The following MAML3 variants were observed in gnomAD, a reference collection of about 807,000 sequenced individuals.
MAML3 encodes mastermind like transcriptional coactivator 3, also known as mastermind-like protein 3.
A neutral mutation model predicts 101.9 loss-of-function variants in MAML3; 27 were observed. The observed-to-expected ratio is 0.27, with a 90% confidence interval of 0.20 to 0.37. MAML3 has a LOEUF of 0.37. Among genes scored for constraint, MAML3 ranks in the 10% least tolerant of loss-of-function variants. The pLI, the probability that MAML3 is intolerant of heterozygous loss-of-function variation, is 1.00. For synonymous variants in MAML3, 501 were observed against 555.9 expected, an observed-to-expected ratio of 0.90 and a Z score of 1.39; for missense variants, 1,316 against 1,444.9, an observed-to-expected ratio of 0.91 and a Z score of 1.45.
chr4:139,888,684 A>G (rs2111195427), intron 2 of MAML3: 1 of 518,598 alleles, frequency 1.9e-6, no homozygotes, highest in East Asian at 5.4e-5. Flanking sequence ...CAGCACTAAG[A>G]TATATTCACC....
chr4:139,964,627 C>T (rs1164896860), intron 1 of MAML3, among the ~76,000 whole-genome samples: 1 of 152,044 alleles, frequency 6.6e-6, no homozygotes, highest in East Asian at 1.9e-4. Context: ...GCCACAAATG[C>T]CACATGTCTA....
At chr4:140,105,073 A>G (rs1237571131) in intron 1 of MAML3, among the ~76,000 whole-genome samples, 1 of 152,154 alleles carries the variant, frequency 6.6e-6, no homozygotes, top group Non-Finnish European at 1.5e-5. Flanking sequence ...CTTAACAGAA[A>G]TATGTCCCAG....
intron 1 of MAML3, among the ~76,000 whole-genome samples, chr4:140,056,192 G>A (rs1727345742): frequency 6.6e-6 from 1 of 152,100 alleles, no homozygotes. Flanking sequence ...GCTGCAGGGG[G>A]AATTCCCTTT....
At chr4:139,922,156 C>T (rs1449123508) in intron 1 of MAML3, among the ~76,000 whole-genome samples, 1 of 152,054 alleles carries the variant, frequency 6.6e-6, no homozygotes, top group African/African-American at 2.4e-5. Context: ...AATACTGTCT[C>T]CTGCGTTTGG....
At chr4:139,798,648 A>G (rs1730557127) in intron 2 of MAML3, among the ~76,000 whole-genome samples, 1 of 152,228 alleles carries the variant, frequency 6.6e-6, no homozygotes, top group Non-Finnish European at 1.5e-5. Flanking sequence ...CATGTGTCAC[A>G]TCATTCATAG....
chr4:140,015,825 C>A (rs553973217), intron 1 of MAML3, among the ~76,000 whole-genome samples: 2 of 152,134 alleles, frequency 1.3e-5, no homozygotes, highest in Non-Finnish European at 2.9e-5. Flanking sequence ...TGGTGGCACA[C>A]GCTTGTAATC....
chr4:140,128,402 T>C (rs1728720488), intron 1 of MAML3, among the ~76,000 whole-genome samples: 1 of 152,102 alleles, frequency 6.6e-6, no homozygotes, highest in Non-Finnish European at 1.5e-5. Flanking sequence ...AGTCCATGGA[T>C]ATGTATGGAG....
intron 2 of MAML3, among the ~76,000 whole-genome samples, chr4:139,806,465 C>G (rs1270281971): frequency 6.6e-6 from 1 of 151,922 alleles, no homozygotes. Flanking sequence ...ATAACAATTC[C>G]TAAAGCTGGA....
chr4:139,960,331 G>C (rs1465354772), intron 1 of MAML3, among the ~76,000 whole-genome samples: 1 of 152,094 alleles, frequency 6.6e-6, no homozygotes, highest in Non-Finnish European at 1.5e-5. Flanking sequence ...AAGATAATTG[G>C]CTTCAGCATT....
At chr4:139,978,827 C>T (rs929825637) in intron 1 of MAML3, among the ~76,000 whole-genome samples, 7 of 152,194 alleles carry the variant, frequency 4.6e-5, no homozygotes, top group Middle Eastern at 6.8e-3. Context: ...CCTGGCCTCC[C>T]CACAGAACTG....
At chr4:140,024,959 A>C (rs1179941628) in intron 1 of MAML3, among the ~76,000 whole-genome samples, 2 of 152,256 alleles carry the variant, frequency 1.3e-5, no homozygotes, top group Non-Finnish European at 2.9e-5. Flanking sequence ...GGATGGGCTA[A>C]ATTAACCATC....
intron 1 of MAML3, among the ~76,000 whole-genome samples, chr4:140,088,479 C>T (rs1460026775): frequency 1.3e-5 from 2 of 152,134 alleles, no homozygotes; most frequent in Non-Finnish European, 1.5e-5. Flanking sequence ...TTTCCATTCC[C>T]ACTGCTCCAC....
At chr4:139,758,620 G>C (rs574899781) in intron 2 of MAML3, among the ~76,000 whole-genome samples, 7 of 152,192 alleles carry the variant, frequency 4.6e-5, no homozygotes, top group Non-Finnish European at 1.0e-4. Context: ...GCCATGTTCG[G>C]CTGCAGGAGT....
intron 2 of MAML3, among the ~76,000 whole-genome samples, chr4:139,859,337 C>T (rs1731724814): frequency 6.6e-6 from 1 of 151,558 alleles, no homozygotes; most frequent in Non-Finnish European, 1.5e-5. Context: ...AGCAATCCTC[C>T]TGCCGGAGTA....
intron 2 of MAML3, among the ~76,000 whole-genome samples, chr4:139,778,982 CAAAAA>C (rs67782985): frequency 2.0e-5 from 2 of 100,632 alleles, no homozygotes; most frequent in Admixed American, 1.1e-4. Context: ...GACTCCACCT[CAAAAA>C]AAAAAAAAAA....
intron 2 of MAML3, among the ~76,000 whole-genome samples, chr4:139,812,556 C>G (rs769082129): frequency 1.3e-5 from 2 of 152,196 alleles, no homozygotes; most frequent in African/African-American, 2.4e-5. Flanking sequence ...AAGTGGAAAT[C>G]TACAATTCAG....
chr4:140,008,085 C>G (rs909534335), intron 1 of MAML3, among the ~76,000 whole-genome samples: 2 of 152,228 alleles, frequency 1.3e-5, no homozygotes, highest in African/African-American at 4.8e-5. Context: ...TGGCTCACGC[C>G]TGTAATCCCA....
intron 1 of MAML3, among the ~76,000 whole-genome samples, chr4:140,076,083 T>C (rs1727760569): frequency 5.3e-5 from 8 of 151,944 alleles, no homozygotes; most frequent in Admixed American, 5.2e-4. Context: ...CCCAGGCTGG[T>C]CTTAAACACC....
intron 2 of MAML3, among the ~76,000 whole-genome samples, chr4:139,830,693 C>A (rs946700231): frequency 6.6e-6 from 1 of 151,974 alleles, no homozygotes; most frequent in African/African-American, 2.4e-5. Context: ...GGATTACAGG[C>A]GTGAGCCACT....
Sources: gnomAD v4.1 joint callset for allele counts (sites outside exome capture counted in the v4.1 genomes callset) on GRCh38, gnomAD v4.1.1 for gene constraint, MANE v1.5 for transcripts, NCBI Gene and HGNC (gene_info 2026-07-23, HGNC 2026-07-21) for gene names.